PARVB: variants seen among roughly 807,000 people sequenced by gnomAD.
PARVB encodes the protein parvin beta.
PARVB carries 46 observed loss-of-function variants against 47.0 expected under a neutral mutation model. The ratio of observed to expected loss-of-function variants is 0.98; its 90% confidence interval spans 0.77 to 1.25. The LOEUF (loss-of-function observed/expected upper bound fraction) is 1.25. Among genes scored for constraint, PARVB ranks in the 50% most tolerant of loss-of-function variants. The pLI is 0.00. For missense variants in PARVB, 473 were observed against 471.6 expected (o/e 1.00, Z -0.03); for synonymous variants, 196 against 196.3 (o/e 1.00, Z 0.01).
chr22:44,030,513 C>G (rs73436651), intron 1 of PARVB, among the ~76,000 whole-genome samples: 1 of 151,958 alleles, frequency 6.6e-6, no homozygotes, highest in East Asian at 1.9e-4. Context: ...GAGCTTGGAA[C>G]CCTTGCTGGG....
chr22:44,134,312 C>T (rs1424840378), intron 6 of PARVB, among the ~76,000 whole-genome samples: 1 of 152,184 alleles, frequency 6.6e-6, no homozygotes, highest in Non-Finnish European at 1.5e-5. Flanking sequence ...GGGGCCATTC[C>T]TATGGCCCCG....
chr22:44,062,976 A>G (rs2051448208), intron 1 of PARVB, among the ~76,000 whole-genome samples: 2 of 152,190 alleles, frequency 1.3e-5, no homozygotes, highest in Non-Finnish European at 2.9e-5. Flanking sequence ...TGAAAGCTCC[A>G]GGCTTCTAAT....
At chr22:44,121,730 A>T (rs899711839) in intron 4 of PARVB, among the ~76,000 whole-genome samples, 5 of 152,184 alleles carry the variant, frequency 3.3e-5, no homozygotes, top group Non-Finnish European at 5.9e-5. Flanking sequence ...TAGCAAATAT[A>T]TAGTTTTTTA....
At chr22:44,072,137 G>A (rs533554611) in intron 1 of PARVB, among the ~76,000 whole-genome samples, 24 of 152,344 alleles carry the variant, frequency 1.6e-4, no homozygotes, top group African/African-American at 5.3e-4. Flanking sequence ...GTCATGTGGA[G>A]CTGCTTTTCC....
intron 1 of PARVB, 94 bp from the exon 2 acceptor site, chr22:44,093,834 C>A: frequency 1.4e-6 from 1 of 733,010 alleles, no homozygotes; most frequent in South Asian, 1.7e-5. Flanking sequence ...CTGAAAAAAA[C>A]AGGAATTGAT....
At chr22:44,100,597 C>T (rs945293158) in intron 3 of PARVB, among the ~76,000 whole-genome samples, 2 of 152,068 alleles carry the variant, frequency 1.3e-5, no homozygotes, top group Non-Finnish European at 2.9e-5. Flanking sequence ...CGTCTGGAGG[C>T]GTGAATCCCA....
intron 1 of PARVB, among the ~76,000 whole-genome samples, chr22:44,073,815 A>G (rs1343399229): frequency 2.0e-5 from 3 of 152,224 alleles, no homozygotes; most frequent in Admixed American, 6.5e-5. Flanking sequence ...CTTTTCCCAC[A>G]CTGGGTCTGT....
chr22:44,085,090 T>C (rs981695860), intron 1 of PARVB, among the ~76,000 whole-genome samples: 1 of 152,168 alleles, frequency 6.6e-6, no homozygotes, highest in African/African-American at 2.4e-5. Context: ...TACGTACACA[T>C]AGAAATACAT....
rs567622365 is a variant in PARVB, at chr22:44,147,389, G to A, written c.713-472G>A. 2.3e-4 allele frequency: 74 copies of A among 318,238 alleles called. 1 individual carries two copies. Among genetic ancestry groups the A allele is most frequent in the South Asian group, 1.9e-3 (69 of 36,422 alleles). 19.7% of individuals were successfully genotyped at this position (318,238 alleles called of 1,614,324 possible). A position where few individuals can be genotyped will look rare whatever the true frequency, so the allele number is the denominator to read the frequency against. ...GGAGAAGGGCTCAGGGGCCAGGAGT[G>A]GAGTAGGAGGCTGCAGCTGCTCCCA... On this transcript the variant is annotated intron_variant, in intron 8 of 12. Transcript: ENST00000338758.
In PARVB at chr22:44,157,447, GCC is replaced by G. The variant is rs540236068; in HGVS notation, c.844-532_844-531del. Reference sequence around the variant, plus strand: ...ACTCATCATATTTGGTCTTTGCAGAGCCCCATGTGTTAGAGCCCCCTCCCCTT... The same window carrying G: ...ACTCATCATATTTGGTCTTTGCAGAGCCATGTGTTAGAGCCCCCTCCCCTT... On this transcript the variant is annotated intron_variant, in intron 10 of 12. Transcript: ENST00000338758. 2.4e-4 allele frequency among the ~76,000 whole-genome samples: 36 copies of G among 152,314 alleles called. No individual in the cohort carries two copies. The East Asian group carries it at 6.9e-3, about 29-fold the overall frequency.
At position 44,169,648 on chromosome 22, in the gene PARVB, TCA is replaced by T. The variant is rs1159559114; in HGVS notation, c.*973_*974del. 6.6e-6 allele frequency: 1 copy of T among 150,426 alleles called. No individual in the cohort carries two copies. Among genetic ancestry groups the T allele is most frequent in the Non-Finnish European group, 1.5e-5 (1 of 68,044 alleles). The allele number at this position is 150,426 out of a possible 1,614,324, so 9.3% of individuals were successfully genotyped here. ...TAGATGCCGGCTTCTCCCCGTGTCT[TCA>T]CATGGTCTCCCCTCTGTGTGTCTGT... is the stretch of plus-strand genomic sequence containing the variant. On this transcript the variant is annotated 3_prime_UTR_variant, in exon 13 of 13. Coordinates refer to ENST00000338758, the MANE Select transcript of PARVB (RefSeq NM_013327.5).
intron 11 of PARVB, among the ~76,000 whole-genome samples, chr22:44,158,723 C>A (rs770214947): frequency 6.6e-6 from 1 of 152,246 alleles, no homozygotes; most frequent in South Asian, 2.1e-4. Flanking sequence ...CTGCTGTCTG[C>A]CCTCTGTCCA....
chr22:44,026,195 C>A (rs2050725501), intron 1 of PARVB: 2 of 423,402 alleles, frequency 4.7e-6, no homozygotes, highest in African/African-American at 2.1e-5. Flanking sequence ...CCAAAGTACG[C>A]AGTGCTTCTC....
intron 1 of PARVB, among the ~76,000 whole-genome samples, chr22:44,093,575 C>A (rs1186795242): frequency 6.6e-6 from 1 of 152,178 alleles, no homozygotes; most frequent in Non-Finnish European, 1.5e-5. Flanking sequence ...CTCTCATGCC[C>A]CATCGCTGTG....
upstream of PARVB, among the ~76,000 whole-genome samples, chr22:44,021,965 C>T (rs2050655545): frequency 6.6e-6 from 1 of 152,124 alleles, no homozygotes; most frequent in Non-Finnish European, 1.5e-5. Context: ...ACCTAGCCTA[C>T]ACCTTGATTT....
intron 8 of PARVB, chr22:44,146,293 T>TCACACACGCACACACACCCTCA: frequency 7.2e-6 from 1 of 138,850 alleles, no homozygotes; most frequent in South Asian, 2.5e-4. Flanking sequence ...ACACACAACC[T>TCACACACGCACACACACCCTCA]CACACGCACA....
At chr22:44,046,778 A>C (rs1277531923) in intron 1 of PARVB, among the ~76,000 whole-genome samples, 1 of 152,240 alleles carries the variant, frequency 6.6e-6, no homozygotes, top group Non-Finnish European at 1.5e-5. Flanking sequence ...CTCTGTGTTC[A>C]AAGTTCAGCA....
chr22:44,058,987 G>T (rs984131805), intron 1 of PARVB, among the ~76,000 whole-genome samples: 2 of 151,626 alleles, frequency 1.3e-5, no homozygotes, highest in South Asian at 2.1e-4. Flanking sequence ...TGATGGGGGG[G>T]GGAAACAGAA....
intron 1 of PARVB, among the ~76,000 whole-genome samples, chr22:44,076,900 C>T (rs930646283): frequency 5.9e-5 from 9 of 152,042 alleles, no homozygotes; most frequent in Admixed American, 4.6e-4. Flanking sequence ...CTGAGGTGTG[C>T]GCCGGAATGT....
Sources: gnomAD v4.1 joint callset for allele counts (sites outside exome capture counted in the v4.1 genomes callset) on GRCh38, gnomAD v4.1.1 for gene constraint, MANE v1.5 for transcripts, NCBI Gene and HGNC (gene_info 2026-07-23, HGNC 2026-07-21) for gene names.